The following A1CF variants were observed in gnomAD, a reference collection of about 807,000 sequenced individuals.
A1CF encodes the protein APOBEC1 complementation factor.
A1CF carries 48 observed loss-of-function variants against 68.9 expected under a neutral mutation model. The ratio of observed to expected loss-of-function variants is 0.70; its 90% CI spans 0.55 to 0.89. The LOEUF is 0.89. A1CF is among the 40% of genes least tolerant of loss of function. The pLI is 0.00. For missense variants in A1CF, 653 were observed against 718.9 expected (o/e 0.91, Z 1.05); for synonymous variants, 272 against 260.4 (o/e 1.04, Z -0.43).
At position 50,824,242 on chromosome 10, in the gene A1CF, AG is replaced by A. The variant is rs1359041856; in HGVS notation, c.770-3594del. The stretch of plus-strand genomic sequence containing the variant: ...GATGTTCATTATTTTCATGATAATT[AG>A]TAGGATCCGGGCACACATGTCTCTT... On this transcript the variant is annotated intron_variant, in intron 7 of 12. Coordinates refer to ENST00000373997, the MANE Select transcript of A1CF (RefSeq NM_014576.4). 3 of 152,272 alleles carry A rather than the reference AG, an allele frequency of 2.0e-5. No individual in the cohort carries two copies. In the East Asian group the frequency reaches 5.8e-4, roughly 29 times the overall value. 9.4% of individuals were successfully genotyped at this position (152,272 alleles called of 1,614,324 possible).
chr10:50,854,959 T>A (rs1298267555), intron 3 of A1CF, among the ~76,000 whole-genome samples: 1 of 151,822 alleles, frequency 6.6e-6, no homozygotes, highest in Non-Finnish European at 1.5e-5. Context: ...TTTATATATA[T>A]TAGATATAAT....
rs1184993638 is a variant in A1CF at position 50,844,077 on chromosome 10, C to T, written c.145G>A (p.Ala49Thr). ...KYGGPPPGWD[A>T]APPERGCEIF... ...TCACAGCCCCTTTCAGGGGGTGCAG[C>T]ATCCCAACCAGGTGGAGGGCCACCA... The change falls in exon 4 of 13, where the codon GCT becomes ACT. Residue 49 changes from alanine to threonine, a missense_variant. By Grantham distance (58) the Ala-to-Thr change is moderately conservative. Coordinates refer to ENST00000373997, the MANE Select transcript of A1CF (RefSeq NM_014576.4). The T allele has an allele frequency of 1.9e-6, 3 of 1,613,138 alleles. No individual in the cohort carries two copies. The highest frequency in any genetic ancestry group is 2.2e-5 in the East Asian group (1 of 44,846).
At chr10:50,836,014 C>A in intron 6 of A1CF, 60 bp downstream of exon 6, 2 of 1,444,234 alleles carry the variant, frequency 1.4e-6, no homozygotes, top group Non-Finnish European at 9.3e-7. Flanking sequence ...TGCTTATTTT[C>A]TTTGCGGAGG....
rs1470855958 is a variant in A1CF, at chr10:50,836,074, C to A, written c.604G>T (p.Gly202Ter). ...CATCTTTGAGGAGGGGATTGCTAACCTGGTAGCAGTTTCCTCCTCGCCATG... is the reference window on the plus strand; with the variant it reads ...CATCTTTGAGGAGGGGATTGCTAACATGGTAGCAGTTTCCTCCTCGCCATG... ...AAMARRKLLP[G>*]RIQLWGHGIA... The change falls in exon 6 of 13, where the codon GGA becomes TGA. Residue 202 changes from glycine (G) to a stop codon, truncating the protein, a stop_gained and splice_region_variant. Coordinates refer to ENST00000373997, the MANE Select transcript of A1CF (RefSeq NM_014576.4). LOFTEE classifies it high-confidence loss of function. The A allele has an allele frequency of 6.2e-7, 1 of 1,602,066 alleles. No individual in the cohort carries two copies. Among genetic ancestry groups the A allele is most frequent in the Non-Finnish European group, 8.5e-7 (1 of 1,173,792 alleles).
chr10:50,802,981 C>A lies in A1CF; in HGVS notation c.*3748G>T, dbSNP rs1413191346. ...AAATACTTTTAAGTAAAATAAAAAC[C>A]AATTTCCTGCACAGCTATTATCAGT... is the stretch of plus-strand genomic sequence containing the variant. On this transcript the variant is annotated 3_prime_UTR_variant, in exon 13 of 13. Transcript: ENST00000373997. The A allele has an allele frequency of 1.3e-5, 2 of 152,146 alleles. No homozygotes were observed. The highest frequency in any genetic ancestry group is 2.4e-5 in the African/African-American group (1 of 41,436). 9.4% of individuals were successfully genotyped at this position (152,146 alleles called of 1,614,324 possible).
rs1232908679 is a variant in A1CF, at chr10:50,800,945, CTGTT to C, written c.*5780_*5783del. On this transcript the variant is annotated 3_prime_UTR_variant, in exon 13 of 13. Transcript: ENST00000373997. ...AGGTGAAGGTTAACGTAAGACCTGT[CTGTT>C]TTGGGATAGAAGTAACTCAACTCAA... 6.6e-6 allele frequency: 1 copy of C among 152,128 alleles called. No homozygotes were observed. Among genetic ancestry groups the C allele is most frequent in the East Asian group, 1.9e-4 (1 of 5,186 alleles). 9.4% of individuals were successfully genotyped at this position (152,128 alleles called of 1,614,324 possible). A position where few individuals can be genotyped will look rare whatever the true frequency, so the allele number is the denominator to read the frequency against.
intron 2 of A1CF, among the ~76,000 whole-genome samples, chr10:50,863,556 T>G (rs140587958): frequency 7.9e-5 from 12 of 152,344 alleles, no homozygotes; most frequent in African/African-American, 2.6e-4. Flanking sequence ...CTAAGAATTT[T>G]CAAGACATAG....
chr10:50,834,328 G>T (rs919090686), intron 6 of A1CF, among the ~76,000 whole-genome samples: 1 of 152,186 alleles, frequency 6.6e-6, no homozygotes, highest in African/African-American at 2.4e-5. Context: ...ACTAATTCGG[G>T]CTGGAATACT....
intron 1 of A1CF, among the ~76,000 whole-genome samples, chr10:50,871,266 A>G (rs997547269): frequency 6.6e-6 from 1 of 151,888 alleles, no homozygotes; most frequent in Non-Finnish European, 1.5e-5. Flanking sequence ...AGAAATAACA[A>G]GTGAAGTATA....
At chr10:50,841,713 A>T in intron 5 of A1CF, 149 bp downstream of exon 5, 1 of 836,672 alleles carries the variant, frequency 1.2e-6, no homozygotes, top group South Asian at 1.8e-5. Context: ...TATTTAATCA[A>T]ATTTATTTTT....
chr10:50,811,580 C>G (rs1046374578), intron 10 of A1CF, among the ~76,000 whole-genome samples: 8 of 152,082 alleles, frequency 5.3e-5, no homozygotes, highest in Non-Finnish European at 1.0e-4. Context: ...AGATGATAGC[C>G]TAAGAATATA....
At chr10:50,874,485 G>A (rs1213260477) in intron 1 of A1CF, among the ~76,000 whole-genome samples, 3 of 152,118 alleles carry the variant, frequency 2.0e-5, no homozygotes, top group Admixed American at 6.6e-5. Context: ...AACTATAAAT[G>A]ACACAAGGAA....
chr10:50,806,381 AG>A lies in A1CF; in HGVS notation c.*347del, dbSNP rs1837818476. The A allele has an allele frequency of 6.3e-6, 1 of 158,362 alleles. No homozygotes were observed. The highest frequency in any genetic ancestry group is 1.4e-5 in the Non-Finnish European group (1 of 72,424). The allele number at this position is 158,362 out of a possible 1,614,324, so 9.8% of individuals were successfully genotyped here. ...TTCCCTTGATTATTACTGACTGCCC[AG>A]GTCTGCTCCATCCCTCCCAAATCTT... is the stretch of plus-strand genomic sequence containing the variant. On this transcript the variant is annotated 3_prime_UTR_variant, in exon 13 of 13. Transcript: ENST00000373997.
intron 3 of A1CF, among the ~76,000 whole-genome samples, chr10:50,845,935 T>C (rs1839978999): frequency 7.0e-6 from 1 of 142,928 alleles, no homozygotes; most frequent in African/African-American, 2.6e-5. Flanking sequence ...ACCTGGGTGA[T>C]AGAGCAAGAC....
intron 6 of A1CF, among the ~76,000 whole-genome samples, chr10:50,833,941 G>A (rs1839367005): frequency 6.6e-6 from 1 of 152,150 alleles, no homozygotes; most frequent in South Asian, 2.1e-4. Context: ...TATGAGTTGT[G>A]GACGGGGAGG....
intron 7 of A1CF, chr10:50,823,606 C>T (rs1429663520): frequency 2.0e-5 from 3 of 152,144 alleles, no homozygotes; most frequent in South Asian, 2.1e-4. Context: ...CTTGAACCCA[C>T]CCATGATGGG....
At position 50,801,394 on chromosome 10, in the gene A1CF, G is replaced by A. The variant is rs1239291514; in HGVS notation, c.*5335C>T. 2.6e-5 allele frequency: 4 copies of A among 151,104 alleles called. No individual in the cohort carries two copies. The highest frequency in any genetic ancestry group is 4.8e-5 in the African/African-American group (2 of 41,290). The allele number at this position is 151,104 out of a possible 1,614,324, so 9.4% of individuals were successfully genotyped here. On this transcript the variant is annotated 3_prime_UTR_variant, in exon 13 of 13. Coordinates refer to ENST00000373997, the MANE Select transcript of A1CF (RefSeq NM_014576.4). ...AACAACAACCCATAAAGATGGTGGG[G>A]TGTGTGTGTGTGTGTTGGGGGCAGA...
chr10:50,859,844 G>A lies in A1CF; in HGVS notation c.97C>T (p.Gln33Ter). 6.2e-7 allele frequency: 1 copy of A among 1,613,554 alleles called. No homozygotes were observed. The highest frequency in any genetic ancestry group is 8.5e-7 in the Non-Finnish European group (1 of 1,179,672). The change falls in exon 3 of 13, where the codon CAG becomes TAG. Residue 33 changes from glutamine (Q) to a stop codon, truncating the protein, a stop_gained and splice_region_variant. Transcript: ENST00000373997. LOFTEE classifies it high-confidence loss of function. ...CAGCAGATTTCACAAGTTCCTACCT[G>A]GACCAAGCTATATCCTGTGCGCTGG... ...LVQRTGYSLV[Q>*]ENGQRKYGGP... is the part of the protein sequence containing the mutation.
At chr10:50,835,603 C>T (rs747281150) in intron 6 of A1CF, among the ~76,000 whole-genome samples, 1 of 152,084 alleles carries the variant, frequency 6.6e-6, no homozygotes. Flanking sequence ...GCTTTTATCT[C>T]TCTTCTCTCA....
Sources: allele counts gnomAD v4.1 joint callset (sites outside exome capture counted in the v4.1 genomes callset), GRCh38; gene constraint gnomAD v4.1.1; transcripts MANE v1.5; gene names NCBI Gene and HGNC (gene_info 2026-07-23, HGNC 2026-07-21).